The following PRICKLE4 variants were observed in gnomAD, a reference collection of about 807,000 sequenced individuals.
The protein encoded by PRICKLE4 is prickle-like protein 4.
A neutral mutation model predicts 43.5 loss-of-function variants in PRICKLE4; 40 were observed. The observed-to-expected ratio is 0.92, with a 90% CI of 0.71 to 1.20. The LOEUF (loss-of-function observed/expected upper bound fraction) is 1.20, where lower values mean the gene tolerates loss of function less well. PRICKLE4 is among the 50% of genes most tolerant of loss of function. PRICKLE4 has a pLI of 0.00. For synonymous variants in PRICKLE4, 208 were observed against 197.4 expected (o/e 1.05, Z -0.45); for missense variants, 527 against 491.2 (o/e 1.07, Z -0.69).
chr6:41,786,792 G>A lies in PRICKLE4; in HGVS notation c.818G>A (p.Arg273Lys). The A allele has an allele frequency of 1.2e-6, 2 of 1,611,430 alleles. No individual in the cohort carries two copies. Among genetic ancestry groups the A allele is most frequent in the Non-Finnish European group, 1.7e-6 (2 of 1,178,960 alleles). The change falls in exon 8 of 8, where the codon AGG (arginine) becomes AAG (lysine). Residue 273 changes from arginine (R) to lysine (K), a missense_variant. Transcript: ENST00000458694. ...ACTGGACTCGACCGAACTGAAGGAA[G>A]GGACCAAACCTCGGTGAACTCTGCA... ...GETGLDRTEG[R>K]DQTSVNSATL...
rs778113369 is a variant in PRICKLE4, at chr6:41,786,872, A to AG, written c.903dup (p.Leu302AlafsTer32). ...CGGCGGTTCCAGCCTGCAAACTCAG[A>AG]GGGGGCTGCCTGGATCCAGTCCCCA... On this transcript the variant is annotated frameshift_variant, in exon 8 of 8. Transcript: ENST00000458694. LOFTEE classifies it high-confidence loss of function. 7.0e-5 allele frequency: 112 copies of AG among 1,605,974 alleles called. No homozygotes were observed. The highest frequency in any genetic ancestry group is 2.9e-4 in the Admixed American group (17 of 59,528).
chr6:41,786,083 G>GGAAT (rs747065265), intron 6 of PRICKLE4, 45 bp from the exon 7 acceptor site: 34 of 1,561,382 alleles, frequency 2.2e-5, no homozygotes, highest in Middle Eastern at 1.7e-4. Context: ...AATGAATGAG[G>GGAAT]GAATGAATGA....
intron 4 of PRICKLE4, chr6:41,784,649 T>C: frequency 1.9e-6 from 1 of 518,842 alleles, no homozygotes. Flanking sequence ...GAAGTGATAC[T>C]GAGCTCTTAG....
chr6:41,783,343 T>C (rs1218102007), intron 2 of PRICKLE4, 119 bp from the exon 3 acceptor site: 2 of 1,071,748 alleles, frequency 1.9e-6, no homozygotes, highest in Non-Finnish European at 2.6e-6. Flanking sequence ...GGGATAATGC[T>C]ACCTAAGTCG....
Position 41,785,557 on chromosome 6 carries a change from AG to A in PRICKLE4, c.582+19del. The A allele has an allele frequency of 1.2e-6, 2 of 1,608,788 alleles. No homozygotes were observed. Among genetic ancestry groups the A allele is most frequent in the Non-Finnish European group, 1.7e-6 (2 of 1,178,750 alleles). Reference sequence around the variant, plus strand: ...TGTGACCAGGTACAGCCTGGAGGGGAGGAACTGGGGGTCTGCCCAGAGTCCA... The same window carrying A: ...TGTGACCAGGTACAGCCTGGAGGGGAGAACTGGGGGTCTGCCCAGAGTCCA... On this transcript the variant is annotated intron_variant, in intron 6 of 7. Transcript: ENST00000458694.
intron 5 of PRICKLE4, 47 bp from the exon 6 acceptor site, chr6:41,785,289 AG>A (rs756035863): frequency 1.3e-6 from 2 of 1,585,722 alleles, no homozygotes; most frequent in South Asian, 2.2e-5. Context: ...GAGGGAAGTT[AG>A]GATGGTAGTG....
At chr6:41,786,041 G>A (rs1772637817) in intron 6 of PRICKLE4, 87 bp from the exon 7 acceptor site, 2 of 1,401,692 alleles carry the variant, frequency 1.4e-6, no homozygotes, top group Non-Finnish European at 1.0e-6. Flanking sequence ...GTGCTTTAGC[G>A]TTAACTGGGT....
In PRICKLE4 at chr6:41,787,112, C is replaced by A; in HGVS notation, c.1138C>A (p.His380Asn). 6.2e-7 allele frequency: 1 copy of A among 1,606,818 alleles called. No homozygotes were observed. The highest frequency in any genetic ancestry group is 8.5e-7 in the Non-Finnish European group (1 of 1,178,748). The change falls in exon 8 of 8, where the codon CAC becomes AAC. Residue 380 changes from histidine (H) to asparagine (N), a missense_variant. His to Asn is a moderately conservative substitution (Grantham distance 68). Transcript: ENST00000458694. ...QAEDSNASKT[H>N]CTMC ...AGAGGACAGCAACGCCTCTAAGACG[C>A]ACTGCACCATGTGCTAGTGGCGCAG...
At chr6:41,782,383 CTTCTTTT>C (rs1772567147) in intron 2 of PRICKLE4, among the ~76,000 whole-genome samples, 1 of 70,426 alleles carries the variant, frequency 1.4e-5, no homozygotes, top group Non-Finnish European at 2.7e-5. Context: ...ATGGTCACTT[CTTCTTTT>C]TTTTTTTTTT....
rs1281718890 is a variant in PRICKLE4, at chr6:41,782,382, TCTTC to T, written c.-13+863_-13+866del. Among the ~76,000 whole-genome samples, 119 of 116,938 alleles carry T rather than the reference TCTTC, an allele frequency of 1.0e-3. 1 individual carries two copies. Among genetic ancestry groups the T allele is most frequent in the Middle Eastern group, 0.014 (2 of 148 alleles). 76.7% of individuals were successfully genotyped at this position (116,938 alleles called of 152,430 possible). The stretch of plus-strand genomic sequence containing the variant: ...CCACTGTGCCCAGCCAATGGTCACT[TCTTC>T]TTTTTTTTTTTTTTTTTTTTTGAGA... On this transcript the variant is annotated intron_variant, in intron 2 of 7. Coordinates refer to ENST00000458694, the MANE Select transcript of PRICKLE4 (RefSeq NM_013397.6).
chr6:41,786,704 C>T, intron 7 of PRICKLE4, 58 bp from the exon 8 acceptor site: 2 of 1,609,256 alleles, frequency 1.2e-6, no homozygotes, highest in South Asian at 1.1e-5. Context: ...CCACTAGCTG[C>T]GGTGTAGGTC....
chr6:41,781,118 C>T (rs1772544010), intron 1 of PRICKLE4: 1 of 153,166 alleles, frequency 6.5e-6, no homozygotes. Context: ...CTCCTGAGCC[C>T]TCTTGCACGG....
At position 41,786,631 on chromosome 6, in the gene PRICKLE4, T is replaced by C. The variant is rs181244915; in HGVS notation, c.788-131T>C. 8.3e-4 allele frequency: 1,182 copies of C among 1,422,338 alleles called. 4 individuals carry two copies. The African/African-American group carries it at 0.011, about 14-fold the overall frequency. The allele number at this position is 1,422,338 out of a possible 1,614,324, so 88.1% of individuals were successfully genotyped here. ...AGGCGGGGGACCCTGGCGAGGACTC[T>C]CGGCGGCGGCGGCGGCGCGCACGGC... On this transcript the variant is annotated intron_variant, in intron 7 of 7. Transcript: ENST00000458694.
chr6:41,787,232 G>C lies in PRICKLE4; in HGVS notation c.*103G>C. On this transcript the variant is annotated 3_prime_UTR_variant, in exon 8 of 8. Coordinates refer to ENST00000458694, the MANE Select transcript of PRICKLE4 (RefSeq NM_013397.6). ...ACAATCCTAGACTGAGACGCAGTCA[G>C]GCGCACGCCCGCAAGAGGCGGCGAG... 1 of 1,443,892 alleles carries C rather than the reference G, an allele frequency of 6.9e-7. No individual in the cohort carries two copies. The highest frequency in any genetic ancestry group is 9.1e-7 in the Non-Finnish European group (1 of 1,099,148). The allele number at this position is 1,443,892 out of a possible 1,614,324, so 89.4% of individuals were successfully genotyped here.
intron 7 of PRICKLE4, 100 bp downstream of exon 7, chr6:41,786,432 C>A (rs1284725525): frequency 7.4e-7 from 1 of 1,355,192 alleles, no homozygotes. Flanking sequence ...GCCGTCCCGT[C>A]CCTCCAGGAG....
Position 41,785,397 on chromosome 6 carries a change from C to A in PRICKLE4, c.439C>A (p.Arg147Ser). 6.2e-7 allele frequency: 1 copy of A among 1,614,148 alleles called. No homozygotes were observed. The highest frequency in any genetic ancestry group is 8.5e-7 in the Non-Finnish European group (1 of 1,180,046). ...GVFAARAGEQ[R>S]CWHQPCFACQ... ...GTTTGCAGCCCGGGCAGGGGAACAG[C>A]GCTGCTGGCACCAGCCTTGCTTTGC... The change falls in exon 6 of 8, where the codon CGC (arginine) becomes AGC (serine). Residue 147 changes from arginine to serine, a missense_variant. Arg to Ser is a moderately radical substitution (Grantham distance 110, BLOSUM62 -1). Transcript: ENST00000458694.
intron 4 of PRICKLE4, among the ~76,000 whole-genome samples, chr6:41,784,579 A>C (rs1772609398): frequency 1.3e-5 from 2 of 152,254 alleles, no homozygotes; most frequent in South Asian, 4.1e-4. Flanking sequence ...AAAGGCTTAC[A>C]ATTCAATTGG....
chr6:41,783,186 C>G, intron 2 of PRICKLE4, among the ~76,000 whole-genome samples: 1 of 152,166 alleles, frequency 6.6e-6, no homozygotes, highest in South Asian at 2.1e-4. Flanking sequence ...TTACCTCCAT[C>G]CTGATCTTGG....
At position 41,785,087 on chromosome 6, in the gene PRICKLE4, T is replaced by TCC; in HGVS notation, c.378+20_378+21dup. ...CCTGTGAGAAGGTATGTAGCACCCCTCCCCCCAAATTCCCCTTCCTCTATT... is the reference window on the plus strand; with the variant it reads ...CCTGTGAGAAGGTATGTAGCACCCCTCCCCCCCCAAATTCCCCTTCCTCTATT... On this transcript the variant is annotated intron_variant, in intron 5 of 7. Coordinates refer to ENST00000458694, the MANE Select transcript of PRICKLE4 (RefSeq NM_013397.6). 1 of 1,612,464 alleles carries TCC rather than the reference T, an allele frequency of 6.2e-7. No individual in the cohort carries two copies. The highest frequency in any genetic ancestry group is 8.5e-7 in the Non-Finnish European group (1 of 1,179,408).
Sources: gnomAD v4.1 joint callset for allele counts (sites outside exome capture counted in the v4.1 genomes callset) on GRCh38, gnomAD v4.1.1 for gene constraint, MANE v1.5 for transcripts, NCBI Gene and HGNC (gene_info 2026-07-23, HGNC 2026-07-21) for gene names.